Variants in CLIP4 observed in about 807,000 individuals in gnomAD.
The protein encoded by CLIP4 is CAP-Gly domain containing linker protein family member 4.
CLIP4 carries 47 observed loss-of-function variants against 73.1 expected under a neutral mutation model. The ratio of observed to expected loss-of-function variants is 0.64; its 90% CI spans 0.51 to 0.82. CLIP4 has a LOEUF of 0.82. CLIP4 is among the 40% of genes least tolerant of loss of function. The pLI, the probability that CLIP4 is intolerant of heterozygous loss-of-function variation, is 0.00. For synonymous variants in CLIP4, 306 were observed against 295.4 expected (o/e 1.04, Z -0.37); for missense variants, 874 against 852.9 (o/e 1.02, Z -0.31).
At position 29,135,660 on chromosome 2, in the gene CLIP4, A is replaced by C; in HGVS notation, c.642A>C (p.Ala214=). ...TCTTGGAGCAGGGAGCAAATCCTGC[A>C]TTTAGGGTAAGAGGTTAAATTAAAA... ...KCLLEQGANP[A]FRNDKGQIPA... Residue 214 remains alanine (A), a synonymous_variant, in exon 6 of 16, where the codon GCA becomes GCC. Coordinates refer to ENST00000320081, the MANE Select transcript of CLIP4 (RefSeq NM_024692.6). 1.3e-6 allele frequency: 2 copies of C among 1,596,718 alleles called. No individual in the cohort carries two copies. The highest frequency in any genetic ancestry group is 8.6e-7 in the Non-Finnish European group (1 of 1,169,324).
At chr2:29,117,380 G>A (rs1233453977) in intron 1 of CLIP4, among the ~76,000 whole-genome samples, 1 of 143,932 alleles carries the variant, frequency 6.9e-6, no homozygotes, top group African/African-American at 2.6e-5. Flanking sequence ...GCTCTGCTCT[G>A]TCACCCAGGC....
At position 29,157,186 on chromosome 2, in the gene CLIP4, GTTCT is replaced by G; in HGVS notation, c.1256-15_1256-12del. On this transcript the variant is annotated splice_polypyrimidine_tract_variant and intron_variant, in intron 10 of 15. Coordinates refer to ENST00000320081, the MANE Select transcript of CLIP4 (RefSeq NM_024692.6). Reference sequence around the variant, plus strand: ...CATCTTATTTTCCACCGTTTGACACGTTCTTTATCTGTTACAGTTGCCCTGCTTG... The same window carrying G: ...CATCTTATTTTCCACCGTTTGACACGTTATCTGTTACAGTTGCCCTGCTTG... 6.2e-7 allele frequency: 1 copy of G among 1,611,932 alleles called. No homozygotes were observed. Among genetic ancestry groups the G allele is most frequent in the Non-Finnish European group, 8.5e-7 (1 of 1,178,074 alleles).
intron 11 of CLIP4, among the ~76,000 whole-genome samples, chr2:29,159,903 T>G (rs138106168): frequency 6.6e-6 from 1 of 152,370 alleles, no homozygotes; most frequent in East Asian, 1.9e-4. Flanking sequence ...TGTCTATATC[T>G]ACTTTCATGC....
rs763180269 is a variant in CLIP4, at chr2:29,181,792, C to T, written c.2017C>T (p.Arg673Cys). 2.5e-6 allele frequency: 4 copies of T among 1,614,136 alleles called. No individual in the cohort carries two copies. The highest frequency in any genetic ancestry group is 1.7e-6 in the Non-Finnish European group (2 of 1,180,010). ...GKNDGSVGDK[R>C]YFTCKPNHGV... is the part of the protein sequence containing the mutation. The stretch of plus-strand genomic sequence containing the variant: ...AAATGATGGGTCAGTGGGTGACAAG[C>T]GCTATTTCACCTGTAAGCCGAACCA... Residue 673 changes from arginine to cysteine, a missense_variant, in exon 16 of 16, where the codon CGC (arginine) becomes TGC (cysteine). Transcript: ENST00000320081.
Position 29,183,614 on chromosome 2 carries a change from T to G in CLIP4, c.*1721T>G, listed in dbSNP as rs1220014695. 1.3e-5 allele frequency: 2 copies of G among 152,660 alleles called. No individual in the cohort carries two copies. The highest frequency in any genetic ancestry group is 2.9e-5 in the Non-Finnish European group (2 of 68,044). The allele number at this position is 152,660 out of a possible 1,614,324, so 9.5% of individuals were successfully genotyped here. On this transcript the variant is annotated 3_prime_UTR_variant, in exon 16 of 16. Transcript: ENST00000320081. ...AAGTTAAAAACAGTAATGCCAACAT[T>G]GAATTTATTTTTGAGGTCAAAGAAC...
At chr2:29,102,508 C>T (rs964004124) in intron 1 of CLIP4, among the ~76,000 whole-genome samples, 1 of 152,196 alleles carries the variant, frequency 6.6e-6, no homozygotes, top group Admixed American at 6.5e-5. Context: ...CCACCAACTC[C>T]CTGGCTCTCG....
intron 14 of CLIP4, among the ~76,000 whole-genome samples, chr2:29,170,628 T>G (rs1170406640): frequency 6.6e-6 from 1 of 152,222 alleles, no homozygotes; most frequent in Non-Finnish European, 1.5e-5. Flanking sequence ...ATCAGTTTTT[T>G]ATTTTGTGAA....
At chr2:29,125,972 C>A (rs1397428205) in intron 2 of CLIP4, among the ~76,000 whole-genome samples, 2 of 152,072 alleles carry the variant, frequency 1.3e-5, no homozygotes, top group Non-Finnish European at 2.9e-5. Context: ...GTTAGGAGTT[C>A]AAGACCAGCC....
At chr2:29,139,579 TG>T (rs1665616178) in intron 6 of CLIP4, among the ~76,000 whole-genome samples, 1 of 152,168 alleles carries the variant, frequency 6.6e-6, no homozygotes, top group South Asian at 2.1e-4. Flanking sequence ...CTCGTATGTT[TG>T]GTAGAATTTG....
intron 11 of CLIP4, among the ~76,000 whole-genome samples, chr2:29,158,052 C>A (rs1489396134): frequency 6.6e-6 from 1 of 152,072 alleles, no homozygotes; most frequent in Non-Finnish European, 1.5e-5. Context: ...TAAAAAAATA[C>A]TTGATGGGAA....
intron 2 of CLIP4, among the ~76,000 whole-genome samples, chr2:29,128,448 A>AT: frequency 6.6e-6 from 1 of 151,108 alleles, no homozygotes; most frequent in Middle Eastern, 3.4e-3. Context: ...AAAAACAAAA[A>AT]CAAAAAAAAA....
chr2:29,181,822 G>A lies in CLIP4; in HGVS notation c.2047G>A (p.Val683Ile). The stretch of plus-strand genomic sequence containing the variant: ...TTTCACCTGTAAGCCGAACCATGGA[G>A]TCTTAGTTCGACCGAGCAGAGTGAC... ...RYFTCKPNHG[V>I]LVRPSRVTYR... The change falls in exon 16 of 16, where the codon GTC becomes ATC. Residue 683 changes from valine to isoleucine, a missense_variant. Val to Ile is a conservative substitution (Grantham distance 29). Coordinates refer to ENST00000320081, the MANE Select transcript of CLIP4 (RefSeq NM_024692.6). 1.9e-6 allele frequency: 3 copies of A among 1,614,236 alleles called. No homozygotes were observed. The highest frequency in any genetic ancestry group is 2.5e-6 in the Non-Finnish European group (3 of 1,180,034).
intron 1 of CLIP4, among the ~76,000 whole-genome samples, chr2:29,117,468 C>T (rs982912378): frequency 6.6e-6 from 1 of 151,892 alleles, no homozygotes; most frequent in Non-Finnish European, 1.5e-5. Flanking sequence ...CTGAGCCTCT[C>T]GAGCAGCTGG....
At chr2:29,151,956 G>A (rs1326170569) in intron 8 of CLIP4, among the ~76,000 whole-genome samples, 3 of 152,002 alleles carry the variant, frequency 2.0e-5, no homozygotes, top group Admixed American at 1.3e-4. Context: ...TGCCCCTGCC[G>A]CTCCCCTCCC....
At position 29,163,778 on chromosome 2, in the gene CLIP4, A is replaced by T. The variant is rs772378337; in HGVS notation, c.1535-53A>T. Reference sequence around the variant, plus strand: ...CGACTTTGGTTTTGTATAGTAGCATAAGAGTTTTGGATAAAGTACAGATGC... The same window carrying T: ...CGACTTTGGTTTTGTATAGTAGCATTAGAGTTTTGGATAAAGTACAGATGC... On this transcript the variant is annotated intron_variant, in intron 12 of 15. Coordinates refer to ENST00000320081, the MANE Select transcript of CLIP4 (RefSeq NM_024692.6). The T allele has an allele frequency of 5.2e-6, 8 of 1,551,730 alleles. No individual in the cohort carries two copies. The South Asian group carries it at 1.0e-4, about 20-fold the overall frequency.
intron 6 of CLIP4, among the ~76,000 whole-genome samples, chr2:29,139,608 T>C (rs748580440): frequency 1.3e-5 from 2 of 152,184 alleles, no homozygotes; most frequent in African/African-American, 4.8e-5. Context: ...ATCCATTCGG[T>C]CCAGGGCTTT....
At chr2:29,144,798 CTT>C (rs34304199) in intron 7 of CLIP4, among the ~76,000 whole-genome samples, 96 of 84,292 alleles carry the variant, frequency 1.1e-3, no homozygotes, top group South Asian at 9.0e-3. Flanking sequence ...AGTTATATCC[CTT>C]TTTTTTTTTT....
chr2:29,110,294 G>C (rs918105173), intron 1 of CLIP4, among the ~76,000 whole-genome samples: 16 of 152,344 alleles, frequency 1.1e-4, no homozygotes, highest in African/African-American at 2.4e-4. Flanking sequence ...CTTGACAAAG[G>C]AGATGGATTA....
At chr2:29,100,556 C>T (rs908007679) in intron 1 of CLIP4, among the ~76,000 whole-genome samples, 2 of 151,706 alleles carry the variant, frequency 1.3e-5, no homozygotes, top group Non-Finnish European at 2.9e-5. Flanking sequence ...TTCCCTACCC[C>T]CATGAAGTTC....
Sources: allele counts gnomAD v4.1 joint callset (sites outside exome capture counted in the v4.1 genomes callset), GRCh38; gene constraint gnomAD v4.1.1; transcripts MANE v1.5; gene names NCBI Gene and HGNC (gene_info 2026-07-23, HGNC 2026-07-21).